The following NTRK2 variants were observed in gnomAD, a reference collection of about 807,000 sequenced individuals.
The protein encoded by NTRK2 is BDNF/NT-3 growth factors receptor.
NTRK2 carries 13 observed loss-of-function variants against 94.5 expected under a neutral mutation model. That is an observed-to-expected ratio of 0.14 (90% CI 0.09 to 0.22). The LOEUF (loss-of-function observed/expected upper bound fraction) is 0.22. NTRK2 is among the 10% of genes least tolerant of loss of function. The pLI is 1.00. For missense variants in NTRK2, 639 were observed against 1,071.2 expected (o/e 0.60, Z 5.63); for synonymous variants, 372 against 407.4 (o/e 0.91, Z 1.05).
chr9:84,692,299 A>G (rs2060094049), intron 2 of NTRK2, among the ~76,000 whole-genome samples: 1 of 152,156 alleles, frequency 6.6e-6, no homozygotes, highest in African/African-American at 2.4e-5. Flanking sequence ...CCAACTATCA[A>G]ATTACCTTGG....
In NTRK2 at chr9:85,001,222, A is replaced by C. The variant is rs150848670; in HGVS notation, c.2173-18984A>C. On this transcript the variant is annotated intron_variant, in intron 17 of 18. Transcript: ENST00000277120. ...CTGGAGGAGGGACTGAGGATGGAGAATATACATCTGGTTACTTCTCAGTTG... is the reference window on the plus strand; with the variant it reads ...CTGGAGGAGGGACTGAGGATGGAGACTATACATCTGGTTACTTCTCAGTTG... Among the ~76,000 whole-genome samples the C allele has an allele frequency of 8.2e-3, 1,253 of 152,294 alleles. 26 individuals are homozygous for C. Among genetic ancestry groups the C allele is most frequent in the African/African-American group, 0.029 (1,203 of 41,556 alleles).
chr9:84,770,688 G>A (rs71506670), intron 12 of NTRK2, among the ~76,000 whole-genome samples: 7,109 of 152,290 alleles, frequency 0.047, 224 homozygotes, highest in African/African-American at 0.079. Context: ...ATGAATTGAG[G>A]TGTAGATTAT....
intron 12 of NTRK2, among the ~76,000 whole-genome samples, chr9:84,816,231 A>T (rs2133636847): frequency 6.6e-6 from 1 of 152,264 alleles, no homozygotes; most frequent in Admixed American, 6.5e-5. Flanking sequence ...CATAACTGTT[A>T]GCATGGTGCC....
chr9:84,849,731 G>T (rs896560301), intron 12 of NTRK2, among the ~76,000 whole-genome samples: 3 of 152,166 alleles, frequency 2.0e-5, no homozygotes, highest in Non-Finnish European at 4.4e-5. Context: ...AGAACAGGGT[G>T]CCTTGGAAAT....
intron 12 of NTRK2, among the ~76,000 whole-genome samples, chr9:84,790,757 C>A (rs1044218499): frequency 6.6e-6 from 1 of 152,160 alleles, no homozygotes; most frequent in Non-Finnish European, 1.5e-5. Flanking sequence ...GTAGGGAAAT[C>A]TACCACAAAA....
intron 2 of NTRK2, among the ~76,000 whole-genome samples, chr9:84,677,368 T>C (rs2059123957): frequency 6.6e-6 from 1 of 152,216 alleles, no homozygotes; most frequent in East Asian, 1.9e-4. Context: ...TCAGGATTAT[T>C]GGCTCCCATC....
At position 85,004,019 on chromosome 9, in the gene NTRK2, G is replaced by A. The variant is rs113624193; in HGVS notation, c.2173-16187G>A. On this transcript the variant is annotated intron_variant, in intron 17 of 18. Coordinates refer to ENST00000277120, the MANE Select transcript of NTRK2 (RefSeq NM_006180.6). Reference sequence around the variant, plus strand: ...AAGAAAGAAAGAAAGAAAAGAAAGAGAGAAAGAAAGAAAGAGAGAAAGAAA... The same window carrying A: ...AAGAAAGAAAGAAAGAAAAGAAAGAAAGAAAGAAAGAAAGAGAGAAAGAAA... Among the ~76,000 whole-genome samples, 356 of 48,164 alleles carry A rather than the reference G, an allele frequency of 7.4e-3. 4 individuals carry two copies. The highest frequency in any genetic ancestry group is 0.024 in the African/African-American group (247 of 10,464). The allele number at this position is 48,164 out of a possible 152,430, so 31.6% of individuals were successfully genotyped here.
rs143446662 is a variant in NTRK2, at chr9:84,897,284, G to A, written c.1633+29853G>A. On this transcript the variant is annotated intron_variant, in intron 14 of 18. Coordinates refer to ENST00000277120, the MANE Select transcript of NTRK2 (RefSeq NM_006180.6). ...CCCGAGTAGCTGGGATTACAGGCAC[G>A]CACCACCACACCCAGCTAATTTTTG... Among the ~76,000 whole-genome samples, 1,438 of 152,128 alleles carry A rather than the reference G, an allele frequency of 9.5e-3. 23 individuals carry two copies. The highest frequency in any genetic ancestry group is 0.033 in the African/African-American group (1,377 of 41,472).
intron 15 of NTRK2, among the ~76,000 whole-genome samples, chr9:84,937,904 T>C (rs1020782125): frequency 1.1e-4 from 16 of 152,234 alleles, no homozygotes; most frequent in African/African-American, 3.9e-4. Context: ...ATTTTTGCTT[T>C]TTAAATATAT....
chr9:84,942,227 G>C (rs927093421), intron 15 of NTRK2, among the ~76,000 whole-genome samples: 4 of 152,148 alleles, frequency 2.6e-5, no homozygotes, highest in Admixed American at 2.6e-4. Context: ...TAGTTTCTAA[G>C]ATTTTATTTC....
chr9:84,803,559 G>A (rs571427686), intron 12 of NTRK2, among the ~76,000 whole-genome samples: 16 of 152,294 alleles, frequency 1.1e-4, no homozygotes, highest in South Asian at 4.1e-4. Flanking sequence ...GATACCCTCC[G>A]TGGGTCTGGG....
intron 12 of NTRK2, among the ~76,000 whole-genome samples, chr9:84,855,680 G>T (rs1268940902): frequency 6.7e-6 from 1 of 148,894 alleles, no homozygotes; most frequent in Non-Finnish European, 1.5e-5. Flanking sequence ...ACATATTTTT[G>T]TTTATGGATA....
intron 12 of NTRK2, among the ~76,000 whole-genome samples, chr9:84,848,998 A>G (rs2074615641): frequency 6.6e-6 from 1 of 152,174 alleles, no homozygotes; most frequent in African/African-American, 2.4e-5. Context: ...ACACCTACAT[A>G]TGCTTTAGAG....
intron 2 of NTRK2, among the ~76,000 whole-genome samples, chr9:84,677,127 G>A (rs923947923): frequency 6.6e-6 from 1 of 152,200 alleles, no homozygotes; most frequent in African/African-American, 2.4e-5. Flanking sequence ...TAGAAGAGGG[G>A]CAGAGCAGAC....
chr9:84,931,416 AAGAG>A (rs60534679), intron 14 of NTRK2, among the ~76,000 whole-genome samples: 324 of 147,900 alleles, frequency 2.2e-3, no homozygotes, highest in African/African-American at 6.6e-3. Context: ...CAAAAAAAAA[AAGAG>A]AGAGAGAGAG....
At chr9:84,733,352 A>G (rs549085066) in intron 9 of NTRK2, among the ~76,000 whole-genome samples, 77 of 152,356 alleles carry the variant, frequency 5.1e-4, no homozygotes, top group African/African-American at 1.8e-3. Context: ...AGTGCCTCAC[A>G]TCACTTTGGT....
At chr9:84,726,331 A>G (rs2062454298) in intron 8 of NTRK2, among the ~76,000 whole-genome samples, 1 of 152,164 alleles carries the variant, frequency 6.6e-6, no homozygotes, top group Admixed American at 6.5e-5. Context: ...TACTAGAAAT[A>G]CTAATATTAG....
At chr9:84,952,773 G>T (rs973460802) in intron 16 of NTRK2, among the ~76,000 whole-genome samples, 3 of 152,170 alleles carry the variant, frequency 2.0e-5, no homozygotes, top group Non-Finnish European at 2.9e-5. Flanking sequence ...AATATAAAGT[G>T]CATTAGGCAT....
At position 84,670,792 on chromosome 9, in the gene NTRK2, T is replaced by C. The variant is rs756957794; in HGVS notation, c.44T>C (p.Leu15Pro). The change falls in exon 2 of 19, where the codon CTC becomes CCC. Residue 15 changes from leucine (L) to proline (P), a missense_variant. Around this residue, in one of 5 missense-constraint regions of NTRK2, gnomAD observed 206 missense variants for 251.5 expected, o/e 0.82. Coordinates refer to ENST00000277120, the MANE Select transcript of NTRK2 (RefSeq NM_006180.6). The part of the protein sequence containing the change: ...IRWHGPAMAR[L>P]WGFCWLVVGF... ...TGGCATGGACCCGCCATGGCGCGGC[T>C]CTGGGGCTTCTGCTGGCTGGTTGTG... 3 of 1,614,024 alleles carry C rather than the reference T, an allele frequency of 1.9e-6. No individual in the cohort carries two copies. Among genetic ancestry groups the C allele is most frequent in the Admixed American group, 1.7e-5 (1 of 60,034 alleles).
Sources: allele counts gnomAD v4.1 joint callset (sites outside exome capture counted in the v4.1 genomes callset), GRCh38; gene constraint gnomAD v4.1.1; regional missense constraint gnomAD v4.1.1; transcripts MANE v1.5; gene names NCBI Gene and HGNC (gene_info 2026-07-23, HGNC 2026-07-21).